The following HMG20A variants were observed in gnomAD, a reference collection of about 807,000 sequenced individuals.
HMG20A encodes the protein high mobility group 20A, also known as high mobility group protein 20A.
A neutral mutation model predicts 43.9 loss-of-function variants in HMG20A; 17 were observed. That is an observed-to-expected ratio of 0.39 (90% CI 0.27 to 0.58). HMG20A has a LOEUF of 0.58. HMG20A is among the 20% of genes least tolerant of loss of function. The pLI, the probability that HMG20A is intolerant of heterozygous loss-of-function variation, is 0.59. For synonymous variants in HMG20A, 132 were observed against 147.5 expected (o/e 0.89, Z 0.76); for missense variants, 341 against 438.2 (o/e 0.78, Z 1.98).
intron 1 of HMG20A, among the ~76,000 whole-genome samples, chr15:77,447,409 G>GT (rs1003335196): frequency 7.9e-5 from 12 of 152,128 alleles, no homozygotes; most frequent in African/African-American, 2.9e-4. Context: ...GTTTTGTGGA[G>GT]TTTTTTTCTT....
chr15:77,443,027 CTTT>C (rs998172099), intron 1 of HMG20A, among the ~76,000 whole-genome samples: 4 of 118,698 alleles, frequency 3.4e-5, no homozygotes, highest in Non-Finnish European at 6.9e-5. Context: ...CTACTTTGAA[CTTT>C]TTTTTTTTTT....
At chr15:77,443,087 C>G (rs546078398) in intron 1 of HMG20A, among the ~76,000 whole-genome samples, 3 of 138,264 alleles carry the variant, frequency 2.2e-5, no homozygotes, top group Admixed American at 7.8e-5. Flanking sequence ...GGCTGGAGTG[C>G]AGTGGTGTGA....
intron 4 of HMG20A, among the ~76,000 whole-genome samples, chr15:77,470,532 G>GTGTGCC (rs1237784980): frequency 6.6e-6 from 1 of 152,186 alleles, no homozygotes; most frequent in African/African-American, 2.4e-5. Context: ...GGAAGACTAA[G>GTGTGCC]TGTGCCTATG....
chr15:77,487,276 A>G (rs1278385696), downstream of HMG20A, among the ~76,000 whole-genome samples: 12 of 152,172 alleles, frequency 7.9e-5, no homozygotes, highest in Admixed American at 7.8e-4. Context: ...TGTGCCCAAC[A>G]ATACAGGTTT....
In HMG20A at chr15:77,484,403, A is replaced by G. The variant is rs2072930523; in HGVS notation, c.*1440A>G. 6.5e-6 allele frequency: 1 copy of G among 152,678 alleles called. No individual in the cohort carries two copies. Among genetic ancestry groups the G allele is most frequent in the Non-Finnish European group, 1.5e-5 (1 of 68,110 alleles). The allele number at this position is 152,678 out of a possible 1,614,324, so 9.5% of individuals were successfully genotyped here. On this transcript the variant is annotated 3_prime_UTR_variant, in exon 10 of 10. Transcript: ENST00000336216. The stretch of plus-strand genomic sequence containing the variant: ...AGCTGAGATCTTTGGAACCAAAGGC[A>G]GAGCAAGCAGAGCCCGTTGTCTGGG...
intron 1 of HMG20A, among the ~76,000 whole-genome samples, chr15:77,430,088 A>C (rs1362684300): frequency 6.6e-6 from 1 of 152,232 alleles, no homozygotes; most frequent in African/African-American, 2.4e-5. Context: ...CTATGTCTAC[A>C]TTAAATTATT....
At chr15:77,438,359 C>T (rs2073573197) in intron 1 of HMG20A, among the ~76,000 whole-genome samples, 1 of 151,858 alleles carries the variant, frequency 6.6e-6, no homozygotes. Context: ...CTGAGATTTA[C>T]AATATTGTTT....
chr15:77,486,363 C>G (rs146219365), downstream of HMG20A, among the ~76,000 whole-genome samples: 225 of 150,706 alleles, frequency 1.5e-3, 2 homozygotes, highest in African/African-American at 5.3e-3. Context: ...CAGTTTCAAG[C>G]GATTCTCCTG....
At chr15:77,461,399 T>G (rs2072703584) in intron 2 of HMG20A, among the ~76,000 whole-genome samples, 1 of 152,202 alleles carries the variant, frequency 6.6e-6, no homozygotes, top group Non-Finnish European at 1.5e-5. Context: ...TTAAGAGAAT[T>G]AATATCATAC....
At chr15:77,491,036 G>A in the HMG20A span, among the ~76,000 whole-genome samples, 1 of 152,164 alleles carries the variant, frequency 6.6e-6, no homozygotes, top group Non-Finnish European at 1.5e-5. Flanking sequence ...ACGCTTCTTA[G>A]GAAAAGAATT....
At chr15:77,511,605 T>C in the HMG20A span, among the ~76,000 whole-genome samples, 3 of 152,326 alleles carry the variant, frequency 2.0e-5, no homozygotes. Flanking sequence ...TAAAAAGGAC[T>C]TCAATAGACG....
chr15:77,497,670 AGAGAGAGAGAGAGTGT>A, the HMG20A span, among the ~76,000 whole-genome samples: 90 of 125,648 alleles, frequency 7.2e-4, no homozygotes, highest in South Asian at 2.6e-3. Context: ...AGAGAGAGAG[AGAGAGAGAGAGAGTGT>A]GTGTGTGTGT....
chr15:77,432,283 A>G (rs1475492819), intron 1 of HMG20A, among the ~76,000 whole-genome samples: 1 of 152,252 alleles, frequency 6.6e-6, no homozygotes, highest in African/African-American at 2.4e-5. Context: ...TGAAAAATTT[A>G]TAGCCTTAAA....
At chr15:77,426,200 A>G (rs1049404932) in intron 1 of HMG20A, among the ~76,000 whole-genome samples, 1 of 152,138 alleles carries the variant, frequency 6.6e-6, no homozygotes, top group Admixed American at 6.5e-5. Context: ...ATATACTAAA[A>G]TATCTTGTAT....
rs1430267086 is a variant in HMG20A at position 77,440,820 on chromosome 15, T to C, written c.-4-17584T>C. Among the ~76,000 whole-genome samples the C allele has an allele frequency of 2.0e-5, 3 of 152,188 alleles. No individual in the cohort carries two copies. In the South Asian group the frequency reaches 6.2e-4, roughly 31 times the overall value. On this transcript the variant is annotated intron_variant, in intron 1 of 9. Coordinates refer to ENST00000336216, the MANE Select transcript of HMG20A (RefSeq NM_001304504.2). ...CCTCTTATGTTTCTGAAAGGAGATC[T>C]AAATATTTTTGAATAGCCATAGTGA...
intron 1 of HMG20A, among the ~76,000 whole-genome samples, chr15:77,443,135 C>T (rs910380696): frequency 6.8e-6 from 1 of 147,226 alleles, no homozygotes; most frequent in African/African-American, 2.5e-5. Context: ...CAGGTTTAAG[C>T]GATTCTCCTT....
At chr15:77,486,623 A>G (rs903464838), downstream of HMG20A, among the ~76,000 whole-genome samples, 1 of 152,166 alleles carries the variant, frequency 6.6e-6, no homozygotes, top group African/African-American at 2.4e-5. Context: ...ACCTATTTCT[A>G]CTATGCTTTT....
At position 77,467,238 on chromosome 15, in the gene HMG20A, A is replaced by G. The variant is rs2072765043; in HGVS notation, c.381A>G (p.Glu127=). 6.2e-7 allele frequency: 1 copy of G among 1,614,174 alleles called. No homozygotes were observed. Among genetic ancestry groups the G allele is most frequent in the Admixed American group, 1.7e-5 (1 of 60,024 alleles). ...AACAACTTCGAGCAAAGAGACCAGA[A>G]GTCCCATTTCCAGAAATCACAAGGA... ...RREQLRAKRP[E]VPFPEITRML... The change falls in exon 4 of 10, where the codon GAA becomes GAG. Residue 127 remains glutamate, a synonymous_variant. Coordinates refer to ENST00000336216, the MANE Select transcript of HMG20A (RefSeq NM_001304504.2).
chr15:77,454,211 G>A (rs947763406), intron 1 of HMG20A, among the ~76,000 whole-genome samples: 2 of 151,464 alleles, frequency 1.3e-5, no homozygotes, highest in African/African-American at 4.9e-5. Context: ...CCAGGCCTAG[G>A]AGGACTAGCA....
Sources: allele counts gnomAD v4.1 joint callset (sites outside exome capture counted in the v4.1 genomes callset), GRCh38; gene constraint gnomAD v4.1.1; transcripts MANE v1.5; gene names NCBI Gene and HGNC (gene_info 2026-07-23, HGNC 2026-07-21).